The following SYT14 variants were observed in gnomAD, a reference collection of about 807,000 sequenced individuals.
SYT14 encodes the protein synaptotagmin-14.
A neutral mutation model predicts 74.2 loss-of-function variants in SYT14; 32 were observed. The ratio of observed to expected loss-of-function variants is 0.43; its 90% CI spans 0.33 to 0.58. The LOEUF is 0.58. Ranked by LOEUF, SYT14 falls within the 20% of genes least tolerant of loss-of-function variation. SYT14 has a pLI of 0.05. For missense variants in SYT14, 791 were observed against 981.8 expected (o/e 0.81, Z 2.60); for synonymous variants, 298 against 337.7 (o/e 0.88, Z 1.29).
chr1:209,942,175 A>G (rs934395640), intron 1 of SYT14, among the ~76,000 whole-genome samples: 2 of 152,266 alleles, frequency 1.3e-5, no homozygotes, highest in African/African-American at 4.8e-5. Context: ...GAACATCGTC[A>G]TCATAAATTA....
chr1:209,991,665 A>C (rs1332191750), intron 2 of SYT14, among the ~76,000 whole-genome samples: 1 of 152,160 alleles, frequency 6.6e-6, no homozygotes, highest in Non-Finnish European at 1.5e-5. Context: ...CCCCATCTCT[A>C]CTGAAAATAC....
intron 5 of SYT14, among the ~76,000 whole-genome samples, chr1:210,056,654 A>G (rs1010012598): frequency 7.3e-6 from 1 of 136,664 alleles, no homozygotes; most frequent in Non-Finnish European, 1.5e-5. Context: ...TCTCTACTAA[A>G]AATACAAAAA....
intron 5 of SYT14, among the ~76,000 whole-genome samples, chr1:210,031,925 G>T (rs201015848): frequency 1.5e-5 from 1 of 67,478 alleles, no homozygotes; most frequent in Non-Finnish European, 4.4e-5. Context: ...TAACAAGAAG[G>T]AGGGGAATTT....
chr1:210,032,748 T>TTA (rs2080570033), intron 5 of SYT14, among the ~76,000 whole-genome samples: 2 of 151,262 alleles, frequency 1.3e-5, no homozygotes, highest in African/African-American at 4.9e-5. Flanking sequence ...TCTGTTTTTT[T>TTA]ATTTAAATAC....
intron 5 of SYT14, among the ~76,000 whole-genome samples, chr1:210,059,441 TATATATATATAGAGAG>T (rs1471957304): frequency 1.1e-5 from 1 of 93,066 alleles, no homozygotes; most frequent in Non-Finnish European, 2.1e-5. Context: ...TATATATATA[TATATATATATAGAGAG>T]AGAGAGAGAG....
At chr1:210,163,691 A>G (rs1382805159) in exon 10 of SYT14, 1 of 453,728 alleles carries the variant, frequency 2.2e-6, no homozygotes, top group South Asian at 1.6e-5. Flanking sequence ...GATTGACACA[A>G]CTTATAATAA....
chr1:210,002,458 GT>G (rs901670584), intron 2 of SYT14, among the ~76,000 whole-genome samples: 6 of 151,848 alleles, frequency 4.0e-5, no homozygotes, highest in Non-Finnish European at 8.8e-5. Flanking sequence ...CCAAGATTCA[GT>G]TTTTTGCATG....
chr1:210,132,782 G>T (rs2082704150), intron 7 of SYT14, among the ~76,000 whole-genome samples: 1 of 152,012 alleles, frequency 6.6e-6, no homozygotes, highest in East Asian at 1.9e-4. Flanking sequence ...CTGAGTGGTG[G>T]AACTGTCCAT....
intron 2 of SYT14, among the ~76,000 whole-genome samples, chr1:209,972,067 G>C (rs1307120143): frequency 6.6e-6 from 1 of 152,074 alleles, no homozygotes; most frequent in Non-Finnish European, 1.5e-5. Context: ...TTTGGAACTT[G>C]ATGTTGGTCT....
chr1:210,019,220 A>C (rs1295503152), intron 4 of SYT14, among the ~76,000 whole-genome samples: 1 of 151,030 alleles, frequency 6.6e-6, no homozygotes, highest in Non-Finnish European at 1.5e-5. Flanking sequence ...TTAATAGGTG[A>C]AGTTTGACCA....
chr1:209,972,537 T>C (rs1558101578), intron 2 of SYT14, among the ~76,000 whole-genome samples: 1 of 152,178 alleles, frequency 6.6e-6, no homozygotes, highest in Non-Finnish European at 1.5e-5. Flanking sequence ...AAGATTTTTG[T>C]ATGTTGTGTC....
chr1:210,148,041 C>T (rs1254750029), intron 7 of SYT14, among the ~76,000 whole-genome samples: 3 of 152,090 alleles, frequency 2.0e-5, no homozygotes, highest in South Asian at 2.1e-4. Flanking sequence ...AGCCCTCTCA[C>T]TCCAACCCAC....
chr1:210,059,447 TATATAG>T (rs1332203313), intron 5 of SYT14, among the ~76,000 whole-genome samples: 1,086 of 94,658 alleles, frequency 0.011, 9 homozygotes, highest in Non-Finnish European at 0.013. Context: ...TATATATATA[TATATAG>T]AGAGAGAGAG....
chr1:210,118,509 C>T (rs1305650853), intron 7 of SYT14, among the ~76,000 whole-genome samples: 1 of 151,986 alleles, frequency 6.6e-6, no homozygotes, highest in African/African-American at 2.4e-5. Context: ...TGGAGTCTTG[C>T]TTTCATTACC....
chr1:210,170,698 A>C (rs1174537650), exon 10 of SYT14: 4 of 152,166 alleles, frequency 2.6e-5, no homozygotes, highest in Non-Finnish European at 4.4e-5. Context: ...AATAAATGTT[A>C]ATATGACTGT....
intron 2 of SYT14, among the ~76,000 whole-genome samples, chr1:209,980,498 C>T (rs181119021): frequency 1.1e-4 from 16 of 152,148 alleles, no homozygotes; most frequent in Admixed American, 7.2e-4. Context: ...TTGCTTTTGG[C>T]ACTTTTGTCA....
chr1:210,030,800 C>G (rs529533507), intron 5 of SYT14, among the ~76,000 whole-genome samples: 5 of 152,232 alleles, frequency 3.3e-5, no homozygotes, highest in African/African-American at 1.2e-4. Context: ...GGAGGAGCGT[C>G]TGAGAGAAGA....
At chr1:209,992,676 AAAAC>A in intron 2 of SYT14, among the ~76,000 whole-genome samples, 1 of 142,574 alleles carries the variant, frequency 7.0e-6, no homozygotes, top group African/African-American at 2.5e-5. Context: ...GAATTTATAA[AAAAC>A]AAATAAATAA....
chr1:210,000,752 T>TA (rs1242440998), intron 2 of SYT14, among the ~76,000 whole-genome samples: 2 of 151,482 alleles, frequency 1.3e-5, no homozygotes, highest in Non-Finnish European at 2.9e-5. Flanking sequence ...TAGCTGGGAT[T>TA]AGAGGCGCCT....
Sources: gnomAD v4.1 joint callset for allele counts (sites outside exome capture counted in the v4.1 genomes callset) on GRCh38, gnomAD v4.1.1 for gene constraint, MANE v1.5 for transcripts, NCBI Gene and HGNC (gene_info 2026-07-23, HGNC 2026-07-21) for gene names.